Variants in FRAS1 observed in about 807,000 individuals in gnomAD.
The protein encoded by FRAS1 is extracellular matrix organizing protein FRAS1.
Under a neutral mutation model 435.2 loss-of-function variants are expected in FRAS1, and 290 were observed. The ratio of observed to expected loss-of-function variants is 0.67; its 90% CI spans 0.61 to 0.73. FRAS1 has a LOEUF of 0.73. Ranked by LOEUF, FRAS1 falls within the 30% of genes least tolerant of loss-of-function variation. The pLI, the probability that FRAS1 is intolerant of heterozygous loss-of-function variation, is 0.00. For synonymous variants in FRAS1, 1,800 were observed against 1,851.0 expected (o/e 0.97, Z 0.71); for missense variants, 4,860 against 5,001.5 (o/e 0.97, Z 0.85).
intron 32 of FRAS1, among the ~76,000 whole-genome samples, chr4:78,417,263 T>A (rs1733587352): frequency 6.6e-6 from 1 of 152,230 alleles, no homozygotes; most frequent in South Asian, 2.1e-4. Context: ...CACAGTGCCA[T>A]GTCCACAATA....
Position 78,450,178 on chromosome 4 carries a change from A to C in FRAS1, c.6302A>C (p.His2101Pro). The part of the protein sequence containing the change: ...AGSVARITEQ[H>P]LKVTDIDSDD... The stretch of plus-strand genomic sequence containing the variant: ...TCTGTAGCACGCATCACAGAACAGC[A>C]CTTGAAAGTGACAGATATTGACTCA... Residue 2101 changes from histidine (H) to proline (P), a missense_variant, in exon 45 of 74, where the codon CAC (histidine) becomes CCC (proline). Coordinates refer to ENST00000512123, the MANE Select transcript of FRAS1 (RefSeq NM_025074.7). 1 of 1,613,858 alleles carries C rather than the reference A, an allele frequency of 6.2e-7. No homozygotes were observed. The highest frequency in any genetic ancestry group is 8.5e-7 in the Non-Finnish European group (1 of 1,179,768).
chr4:78,190,617 T>G (rs1578175878), intron 2 of FRAS1, among the ~76,000 whole-genome samples: 2 of 127,868 alleles, frequency 1.6e-5, no homozygotes, highest in Admixed American at 8.2e-5. Context: ...ACCACACCCC[T>G]TCCCTTCCCT....
intron 2 of FRAS1, among the ~76,000 whole-genome samples, chr4:78,215,582 G>A (rs1723733367): frequency 6.6e-6 from 1 of 152,134 alleles, no homozygotes; most frequent in Non-Finnish European, 1.5e-5. Flanking sequence ...TTGCAAAATG[G>A]AAACTCTGTA....
chr4:78,466,210 C>T lies in FRAS1; in HGVS notation c.7032C>T (p.Ala2344=), dbSNP rs373354213. Reference sequence around the variant, plus strand: ...CTGGTATTTTGCCTTCCGGACAGGCCGAGTCTGTCACATTCACCATCGTGC... The same window carrying T: ...CTGGTATTTTGCCTTCCGGACAGGCTGAGTCTGTCACATTCACCATCGTGC... ...ELKAVDADTE[A]ESVTFTIVQP... The change falls in exon 50 of 74, where the codon GCC becomes GCT. Residue 2344 remains alanine (A), a splice_region_variant and synonymous_variant. Transcript: ENST00000512123. 66 of 1,613,422 alleles carry T rather than the reference C, an allele frequency of 4.1e-5. 1 individual carries two copies. Among genetic ancestry groups the T allele is most frequent in the South Asian group, 3.7e-4 (34 of 91,042 alleles).
intron 2 of FRAS1, among the ~76,000 whole-genome samples, chr4:78,208,340 A>G (rs1723351718): frequency 6.6e-6 from 1 of 152,216 alleles, no homozygotes; most frequent in African/African-American, 2.4e-5. Context: ...CAACCCATTA[A>G]GAAGGAATCA....
At chr4:78,213,156 G>T (rs924221814) in intron 2 of FRAS1, among the ~76,000 whole-genome samples, 3 of 152,238 alleles carry the variant, frequency 2.0e-5, no homozygotes, top group African/African-American at 4.8e-5. Context: ...CCATCCTGAA[G>T]GGAGAGATCT....
intron 67 of FRAS1, among the ~76,000 whole-genome samples, 171 bp from the exon 68 acceptor site, chr4:78,521,352 G>T (rs1294482365): frequency 1.3e-5 from 2 of 151,968 alleles, no homozygotes; most frequent in African/African-American, 4.8e-5. Flanking sequence ...GAAATTAGCT[G>T]TCATACAATT....
At chr4:78,339,622 G>A (rs1283594580) in intron 20 of FRAS1, among the ~76,000 whole-genome samples, 1 of 152,232 alleles carries the variant, frequency 6.6e-6, no homozygotes, top group Non-Finnish European at 1.5e-5. Flanking sequence ...CCAGGAGACA[G>A]GCCCAGCAGG....
chr4:78,369,941 C>T lies in FRAS1; in HGVS notation c.2826C>T (p.Cys942=), dbSNP rs775694534. ...LLFGECQYES[C]APQYYLDFST... is the part of the protein sequence containing the mutation. The stretch of plus-strand genomic sequence containing the variant: ...TTGGGGAATGTCAATACGAGAGCTG[C>T]GCCCCACAGTACTATCTTGACTTCT... Residue 942 remains cysteine (C), a synonymous_variant, in exon 23 of 74, where the codon TGC becomes TGT. Coordinates refer to ENST00000512123, the MANE Select transcript of FRAS1 (RefSeq NM_025074.7). 1.5e-5 allele frequency: 24 copies of T among 1,613,612 alleles called. No homozygotes were observed. The highest frequency in any genetic ancestry group is 1.1e-4 in the East Asian group (5 of 44,894).
At chr4:78,138,027 G>A (rs1188109285) in intron 2 of FRAS1, among the ~76,000 whole-genome samples, 1 of 152,176 alleles carries the variant, frequency 6.6e-6, no homozygotes, top group East Asian at 1.9e-4. Flanking sequence ...AGTGTGCACT[G>A]GTTTAATCTG....
At chr4:78,290,803 CTTT>C (rs56771542) in intron 14 of FRAS1, among the ~76,000 whole-genome samples, 1,639 of 121,804 alleles carry the variant, frequency 0.013, 27 homozygotes, top group African/African-American at 0.042. Flanking sequence ...TATTTATTGC[CTTT>C]TTTTTTTTTT....
chr4:78,181,374 C>T (rs1465958700), intron 2 of FRAS1: 26 of 1,611,740 alleles, frequency 1.6e-5, no homozygotes, highest in South Asian at 3.3e-5. Context: ...TTGACAGTTC[C>T]CCAGTTGTGA....
intron 2 of FRAS1, among the ~76,000 whole-genome samples, chr4:78,079,150 A>G (rs1195869649): frequency 6.6e-6 from 1 of 152,160 alleles, no homozygotes; most frequent in Non-Finnish European, 1.5e-5. Context: ...TGAAAGGCTG[A>G]GTACTCAATG....
intron 2 of FRAS1, among the ~76,000 whole-genome samples, chr4:78,219,144 A>C (rs867355675): frequency 2.6e-5 from 4 of 152,112 alleles, no homozygotes; most frequent in Admixed American, 2.0e-4. Context: ...AATGCTATTT[A>C]ATGTTCTTAT....
At position 78,290,291 on chromosome 4, in the gene FRAS1, T is replaced by A. The variant is rs189491076; in HGVS notation, c.1534+3752T>A. The stretch of plus-strand genomic sequence containing the variant: ...TTTTGTTTGTCTACTTAAAACTTAT[T>A]TTATTCACAAAGGCCTGAGGATAGA... On this transcript the variant is annotated intron_variant, in intron 14 of 73. Coordinates refer to ENST00000512123, the MANE Select transcript of FRAS1 (RefSeq NM_025074.7). Among the ~76,000 whole-genome samples, 30 of 152,310 alleles carry A rather than the reference T, an allele frequency of 2.0e-4. No individual in the cohort carries two copies. The East Asian group carries it at 4.6e-3, about 23-fold the overall frequency.
chr4:78,065,062 A>ATG (rs1739944029), intron 1 of FRAS1, among the ~76,000 whole-genome samples: 1 of 87,308 alleles, frequency 1.1e-5, no homozygotes, highest in African/African-American at 4.0e-5. Context: ...TATAGTGTAT[A>ATG]TATATATATA....
intron 20 of FRAS1, among the ~76,000 whole-genome samples, chr4:78,362,670 G>A (rs765726329): frequency 2.0e-5 from 3 of 152,174 alleles, no homozygotes; most frequent in South Asian, 2.1e-4. Context: ...GCTCTTGTCC[G>A]GTGTCTGAGA....
At chr4:78,088,475 A>G (rs894390833) in intron 2 of FRAS1, among the ~76,000 whole-genome samples, 1 of 151,900 alleles carries the variant, frequency 6.6e-6, no homozygotes, top group Non-Finnish European at 1.5e-5. Flanking sequence ...AGAAACTACC[A>G]TCAGAGTGAA....
intron 19 of FRAS1, among the ~76,000 whole-genome samples, chr4:78,334,711 A>T (rs1730100820): frequency 6.6e-6 from 1 of 152,010 alleles, no homozygotes; most frequent in African/African-American, 2.4e-5. Context: ...ATATGTACAG[A>T]TACGTGTGTG....
Sources: allele counts gnomAD v4.1 joint callset (sites outside exome capture counted in the v4.1 genomes callset), GRCh38; gene constraint gnomAD v4.1.1; transcripts MANE v1.5; gene names NCBI Gene and HGNC (gene_info 2026-07-23, HGNC 2026-07-21).